The following MAN1A2 variants were observed in gnomAD, a reference collection of about 807,000 sequenced individuals.
MAN1A2 encodes the protein mannosyl-oligosaccharide 1,2-alpha-mannosidase IB.
Under a neutral mutation model 75.7 loss-of-function variants are expected in MAN1A2, and 26 were observed. That is an observed-to-expected ratio of 0.34 (90% CI 0.25 to 0.48). The LOEUF (loss-of-function observed/expected upper bound fraction) is 0.48, where lower values mean the gene tolerates loss of function less well. MAN1A2 is among the 20% of genes least tolerant of loss of function. MAN1A2 has a pLI of 0.99. For synonymous variants in MAN1A2, 247 were observed against 264.6 expected (o/e 0.93, Z 0.65); for missense variants, 562 against 775.5 (o/e 0.72, Z 3.27).
At chr1:117,521,947 C>A (rs535961980) in intron 12 of MAN1A2, among the ~76,000 whole-genome samples, 1 of 151,990 alleles carries the variant, frequency 6.6e-6, no homozygotes, top group Non-Finnish European at 1.5e-5. Context: ...AACCAAGCAT[C>A]GTATGTTCTC....
intron 5 of MAN1A2, among the ~76,000 whole-genome samples, chr1:117,432,587 A>G (rs1041691530): frequency 6.6e-6 from 1 of 152,216 alleles, no homozygotes; most frequent in African/African-American, 2.4e-5. Context: ...AGCAAGAAGT[A>G]TGCCATTTGT....
chr1:117,373,838 T>G (rs1282645581), intron 1 of MAN1A2, among the ~76,000 whole-genome samples: 2 of 152,166 alleles, frequency 1.3e-5, no homozygotes, highest in Non-Finnish European at 2.9e-5. Flanking sequence ...TTGGAGCTCA[T>G]GCCTAAGATT....
intron 6 of MAN1A2, among the ~76,000 whole-genome samples, chr1:117,446,232 ACTT>A (rs1475573801): frequency 6.6e-6 from 1 of 151,436 alleles, no homozygotes; most frequent in Non-Finnish European, 1.5e-5. Context: ...TCAAAAAAGT[ACTT>A]CTGTTTTTGT....
rs200866549 is a variant in MAN1A2, at chr1:117,402,342, C to G, written c.459C>G (p.Asn153Lys). The G allele has an allele frequency of 1.2e-6, 2 of 1,605,444 alleles. No homozygotes were observed. The highest frequency in any genetic ancestry group is 4.5e-5 in the East Asian group (2 of 44,022). The change falls in exon 2 of 13, where the codon AAC becomes AAG. Residue 153 changes from asparagine to lysine, a missense_variant. Transcript: ENST00000356554. Reference sequence around the variant, plus strand: ...TCCAAGAAATGAAGATAAAAGAGAACAAGCCACTGCCACCAGTCCCTATTC... The same window carrying G: ...TCCAAGAAATGAAGATAAAAGAGAAGAAGCCACTGCCACCAGTCCCTATTC... ...KVVQEMKIKENKPLPPVPIPN... is the reference protein window; with the variant it reads ...KVVQEMKIKEKKPLPPVPIPN...
chr1:117,405,827 T>C (rs895105766), intron 3 of MAN1A2, among the ~76,000 whole-genome samples, 182 bp downstream of exon 3: 1 of 152,210 alleles, frequency 6.6e-6, no homozygotes, highest in African/African-American at 2.4e-5. Flanking sequence ...GGAGTACACA[T>C]ATATGTGGTA....
chr1:117,505,739 G>A (rs566837141), intron 12 of MAN1A2, among the ~76,000 whole-genome samples: 292 of 151,102 alleles, frequency 1.9e-3, no homozygotes, highest in African/African-American at 6.5e-3. Flanking sequence ...GGGAGTTGAG[G>A]GAGCATATTA....
intron 5 of MAN1A2, among the ~76,000 whole-genome samples, chr1:117,432,775 C>T (rs1648712273): frequency 6.6e-6 from 1 of 151,684 alleles, no homozygotes; most frequent in Non-Finnish European, 1.5e-5. Context: ...GCCTGAAAGG[C>T]AATATAGCAA....
chr1:117,451,213 T>C (rs1241593975), intron 6 of MAN1A2, among the ~76,000 whole-genome samples: 1 of 152,224 alleles, frequency 6.6e-6, no homozygotes, highest in East Asian at 1.9e-4. Flanking sequence ...ATTTTGGAGA[T>C]TTAAGACTTG....
intron 12 of MAN1A2, among the ~76,000 whole-genome samples, chr1:117,513,775 C>T (rs890452277): frequency 6.6e-6 from 1 of 152,022 alleles, no homozygotes; most frequent in Non-Finnish European, 1.5e-5. Context: ...ATATTGTTGC[C>T]TGCAGTTTAT....
At chr1:117,480,104 T>G (rs930263134) in intron 8 of MAN1A2, among the ~76,000 whole-genome samples, 3 of 151,902 alleles carry the variant, frequency 2.0e-5, no homozygotes, top group African/African-American at 7.2e-5. Flanking sequence ...TGTGGTTCTT[T>G]CCATTGTCTC....
intron 5 of MAN1A2, among the ~76,000 whole-genome samples, chr1:117,433,078 A>T (rs1648727075): frequency 6.6e-6 from 1 of 151,832 alleles, no homozygotes; most frequent in African/African-American, 2.4e-5. Flanking sequence ...TCATATAATT[A>T]TTGCAATAAA....
intron 11 of MAN1A2, among the ~76,000 whole-genome samples, chr1:117,501,871 T>C (rs556229591): frequency 2.6e-5 from 4 of 151,882 alleles, no homozygotes; most frequent in Non-Finnish European, 4.4e-5. Flanking sequence ...CATGCCTTCA[T>C]TGGATGACCT....
chr1:117,466,493 G>T (rs1202856859), intron 8 of MAN1A2, 66 bp downstream of exon 8: 1 of 1,040,036 alleles, frequency 9.6e-7, no homozygotes, highest in Non-Finnish European at 1.4e-6. Flanking sequence ...TTTGCTTGAT[G>T]TTGTAAAAAG....
chr1:117,445,870 G>GTATATATATATATATATATA, intron 6 of MAN1A2, among the ~76,000 whole-genome samples: 1 of 114,702 alleles, frequency 8.7e-6, no homozygotes, highest in Admixed American at 8.5e-5. Flanking sequence ...ATGTGTGTGT[G>GTATATATATATATATATATA]TGTCTGTGTG....
At chr1:117,505,625 A>AGCAGTACATTCAGCATTGCACTTCCTG (rs1390284126) in intron 12 of MAN1A2, among the ~76,000 whole-genome samples, 2 of 151,426 alleles carry the variant, frequency 1.3e-5, no homozygotes, top group Non-Finnish European at 3.0e-5. Flanking sequence ...GTCACAGTTG[A>AGCAGTACATTCAGCATTGCACTTCCTG]GCAGTACATT....
intron 12 of MAN1A2, among the ~76,000 whole-genome samples, chr1:117,521,585 A>G (rs1159601572): frequency 6.6e-6 from 1 of 152,008 alleles, no homozygotes; most frequent in African/African-American, 2.4e-5. Context: ...TGGGAACGTA[A>G]ACTTACACAA....
At position 117,528,000 on chromosome 1, in the gene MAN1A2, A is replaced by G. The variant is rs1244870352; in HGVS notation, c.*5043A>G. On this transcript the variant is annotated 3_prime_UTR_variant, in exon 13 of 13. Transcript: ENST00000356554. ...AGGAGTGCAGAGAAAAGATATATCC[A>G]AAAGGAGAATCCCTTTCTCTTGCAT... The G allele has an allele frequency of 6.6e-6, 1 of 152,052 alleles. No homozygotes were observed. Among genetic ancestry groups the G allele is most frequent in the East Asian group, 1.9e-4 (1 of 5,190 alleles). The allele number at this position is 152,052 out of a possible 1,614,324, so 9.4% of individuals were successfully genotyped here. A position where few individuals can be genotyped will look rare whatever the true frequency, so the allele number is the denominator to read the frequency against.
chr1:117,434,832 C>T (rs1400614271), intron 5 of MAN1A2, among the ~76,000 whole-genome samples: 1 of 146,426 alleles, frequency 6.8e-6, no homozygotes, highest in Non-Finnish European at 1.5e-5. Context: ...AGTATTTTGC[C>T]AAGAAATAAT....
chr1:117,494,794 T>C (rs183372281), intron 9 of MAN1A2: 4 of 152,120 alleles, frequency 2.6e-5, no homozygotes, highest in African/African-American at 9.6e-5. Context: ...CTTAGAACCA[T>C]ATTGTTGAAA....
Sources: gnomAD v4.1 joint callset for allele counts (sites outside exome capture counted in the v4.1 genomes callset) on GRCh38, gnomAD v4.1.1 for gene constraint, MANE v1.5 for transcripts, NCBI Gene and HGNC (gene_info 2026-07-23, HGNC 2026-07-21) for gene names.